Variants in RAPGEF5 observed in about 807,000 individuals in gnomAD.
The protein encoded by RAPGEF5 is Rap guanine nucleotide exchange factor 5.
In RAPGEF5, 65 loss-of-function variants were observed where a neutral mutation model predicts 125.2. The ratio of observed to expected loss-of-function variants is 0.52; its 90% confidence interval spans 0.43 to 0.64. The LOEUF is 0.64. Ranked by LOEUF, RAPGEF5 falls within the 30% of genes least tolerant of loss-of-function variation. The pLI is 0.00. For synonymous variants in RAPGEF5, 391 were observed against 385.9 expected, an observed-to-expected ratio of 1.01 and a Z score of -0.16; for missense variants, 958 against 1,048.1, an observed-to-expected ratio of 0.91 and a Z score of 1.19.
intron 20 of RAPGEF5, among the ~76,000 whole-genome samples, chr7:22,142,451 C>A (rs1233250652): frequency 6.6e-6 from 1 of 152,050 alleles, no homozygotes; most frequent in African/African-American, 2.4e-5. Flanking sequence ...ATCTTTTTAT[C>A]TTTTAGCTCC....
intron 11 of RAPGEF5, among the ~76,000 whole-genome samples, chr7:22,184,970 AG>A (rs148408648): frequency 0.012 from 1,862 of 152,236 alleles, 22 homozygotes; most frequent in Admixed American, 0.025. Flanking sequence ...TGAAGCAGTT[AG>A]CTCATCCAGT....
intron 1 of RAPGEF5, among the ~76,000 whole-genome samples, chr7:22,323,975 G>GCT (rs1783765498): frequency 6.6e-6 from 1 of 152,162 alleles, no homozygotes; most frequent in Non-Finnish European, 1.5e-5. Context: ...ATCAACAGAT[G>GCT]CTAACATCAG....
At chr7:22,291,151 G>T in intron 6 of RAPGEF5, 24 bp downstream of exon 6, 1 of 1,564,614 alleles carries the variant, frequency 6.4e-7, no homozygotes, top group Admixed American at 2.0e-5. Flanking sequence ...TGCACCCCTA[G>T]GCAGGAAAAT....
chr7:22,300,058 T>G (rs76712793), intron 5 of RAPGEF5, among the ~76,000 whole-genome samples: 1,764 of 107,888 alleles, frequency 0.016, 31 homozygotes, highest in African/African-American at 0.057. Context: ...TATTTAAAAG[T>G]TTTTTTTCTG....
At chr7:22,168,852 G>A (rs1284357988) in intron 11 of RAPGEF5, among the ~76,000 whole-genome samples, 3 of 152,162 alleles carry the variant, frequency 2.0e-5, no homozygotes, top group Non-Finnish European at 2.9e-5. Context: ...CAAGATGCCT[G>A]TAATTAAAAT....
At chr7:22,196,100 T>C (rs1785142425) in intron 9 of RAPGEF5, among the ~76,000 whole-genome samples, 1 of 152,170 alleles carries the variant, frequency 6.6e-6, no homozygotes, top group African/African-American at 2.4e-5. Flanking sequence ...AGCATCTATG[T>C]CATTGTGATA....
chr7:22,169,470 CTGT>C (rs1289556682), intron 11 of RAPGEF5, among the ~76,000 whole-genome samples: 2 of 152,046 alleles, frequency 1.3e-5, no homozygotes, highest in Non-Finnish European at 2.9e-5. Context: ...TCCTCTGGGC[CTGT>C]TGAAGAGTAA....
intron 11 of RAPGEF5, among the ~76,000 whole-genome samples, chr7:22,191,800 A>G (rs1785005151): frequency 2.0e-5 from 3 of 152,374 alleles, no homozygotes; most frequent in African/African-American, 7.2e-5. Flanking sequence ...TTTTCTCAAA[A>G]GTAAAGAGAA....
At chr7:22,243,737 T>C (rs1488456693) in intron 7 of RAPGEF5, among the ~76,000 whole-genome samples, 1 of 152,242 alleles carries the variant, frequency 6.6e-6, no homozygotes, top group Non-Finnish European at 1.5e-5. Flanking sequence ...CATATCAAAC[T>C]AACATATCCA....
chr7:22,190,776 A>G (rs1030897089), intron 11 of RAPGEF5, among the ~76,000 whole-genome samples: 3 of 152,116 alleles, frequency 2.0e-5, no homozygotes, highest in Non-Finnish European at 2.9e-5. Flanking sequence ...TTGTTCAGTT[A>G]TCTTCCCCAG....
chr7:22,302,572 C>T (rs1299234531), intron 5 of RAPGEF5, among the ~76,000 whole-genome samples: 1 of 152,186 alleles, frequency 6.6e-6, no homozygotes, highest in Admixed American at 6.5e-5. Flanking sequence ...CCTACTCTGA[C>T]AGGAGAGCCT....
At chr7:22,166,994 A>C in intron 12 of RAPGEF5, 76 bp downstream of exon 12, 1 of 1,179,524 alleles carries the variant, frequency 8.5e-7, no homozygotes, top group Non-Finnish European at 1.3e-6. Context: ...TAAATTAAGG[A>C]AGGCAGTTAA....
intron 1 of RAPGEF5, among the ~76,000 whole-genome samples, chr7:22,352,498 A>C (rs1219320107): frequency 6.6e-6 from 1 of 152,184 alleles, no homozygotes; most frequent in African/African-American, 2.4e-5. Context: ...GACAAGATGC[A>C]CTTAGAATAT....
At chr7:22,319,698 A>AT (rs997105993) in intron 1 of RAPGEF5, among the ~76,000 whole-genome samples, 3 of 152,198 alleles carry the variant, frequency 2.0e-5, no homozygotes, top group Non-Finnish European at 4.4e-5. Context: ...ATCATAATTT[A>AT]TTTTTTTCTC....
chr7:22,248,900 G>A lies in RAPGEF5; in HGVS notation c.797-17981C>T, dbSNP rs1020378211. Among the ~76,000 whole-genome samples the A allele has an allele frequency of 2.6e-5, 4 of 152,142 alleles. No homozygotes were observed. In the South Asian group the frequency reaches 8.3e-4, roughly 32 times the overall value. On this transcript the variant is annotated intron_variant, in intron 7 of 25. Transcript: ENST00000665637. The stretch of plus-strand genomic sequence containing the variant: ...ATTGTAGCCAGGGTGGAAGAAAATC[G>A]GCAACATTTCTAAATACTACCATCT...
intron 5 of RAPGEF5, among the ~76,000 whole-genome samples, chr7:22,291,608 G>A (rs1265841412): frequency 6.6e-6 from 1 of 152,174 alleles, no homozygotes; most frequent in Non-Finnish European, 1.5e-5. Flanking sequence ...AATCTAAATG[G>A]AATCCAGATT....
intron 1 of RAPGEF5, among the ~76,000 whole-genome samples, chr7:22,351,609 G>C (rs1343303370): frequency 1.7e-5 from 2 of 115,864 alleles, no homozygotes; most frequent in Non-Finnish European, 3.7e-5. Context: ...TAACTCATAG[G>C]CTCATAGGCT....
chr7:22,279,178 C>T (rs1782620485), intron 6 of RAPGEF5, among the ~76,000 whole-genome samples: 1 of 152,112 alleles, frequency 6.6e-6, no homozygotes, highest in Non-Finnish European at 1.5e-5. Context: ...ATTTTTAAAA[C>T]TGTCTTTTGC....
rs184347533 is a variant in RAPGEF5 at position 22,198,092 on chromosome 7, A to C, written c.997-4059T>G. Among the ~76,000 whole-genome samples the C allele has an allele frequency of 3.0e-4, 46 of 152,264 alleles. No homozygotes were observed. In the East Asian group the frequency reaches 8.9e-3, roughly 29 times the overall value. On this transcript the variant is annotated intron_variant, in intron 9 of 25. Coordinates refer to ENST00000665637, the MANE Select transcript of RAPGEF5 (RefSeq NM_012294.5). ...TATTTTGTAGAGACAGGGTTTTACC[A>C]TGTTGCCTAGGCTGGTCTTGAACTT...
Sources: allele counts gnomAD v4.1 joint callset (sites outside exome capture counted in the v4.1 genomes callset), GRCh38; gene constraint gnomAD v4.1.1; transcripts MANE v1.5; gene names NCBI Gene and HGNC (gene_info 2026-07-23, HGNC 2026-07-21).